Variants in SLC12A9 observed in about 807,000 individuals in gnomAD.
SLC12A9 encodes the protein CCC-interacting protein 1.
SLC12A9 carries 55 observed loss-of-function variants against 66.0 expected under a neutral mutation model. The ratio of observed to expected loss-of-function variants is 0.83; its 90% CI spans 0.67 to 1.04. The LOEUF is 1.04. Ranked by LOEUF, SLC12A9 falls within the 50% of genes least tolerant of loss-of-function variation. The probability of loss-of-function intolerance (pLI) is 0.00; values close to 1 mark genes in which losing one functional copy is unlikely to be tolerated. For missense variants in SLC12A9, 1,061 were observed against 1,241.9 expected (o/e 0.85, Z 2.19); for synonymous variants, 577 against 569.0 (o/e 1.01, Z -0.20).
At chr7:100,843,302 C>A (rs542199800) in intron 1 of SLC12A9, among the ~76,000 whole-genome samples, 1 of 152,284 alleles carries the variant, frequency 6.6e-6, no homozygotes, top group African/African-American at 2.4e-5. Context: ...ATGAGGAATA[C>A]CAGATCAATT....
chr7:100,858,755 T>A, intron 5 of SLC12A9, 80 bp from the exon 6 acceptor site: 1 of 1,343,350 alleles, frequency 7.4e-7, no homozygotes, highest in Admixed American at 1.7e-5. Context: ...ACCGTGGGAA[T>A]GTGTGGAGAG....
chr7:100,857,117 C>T lies in SLC12A9; in HGVS notation c.698C>T (p.Pro233Leu), dbSNP rs375651985. The T allele has an allele frequency of 1.9e-5, 31 of 1,614,100 alleles. No individual in the cohort carries two copies. The highest frequency in any genetic ancestry group is 1.6e-4 in the Middle Eastern group (1 of 6,080). The change falls in exon 5 of 14, where the codon CCG becomes CTG. Residue 233 changes from proline to leucine, a missense_variant. Transcript: ENST00000354161. The part of the protein sequence containing the change: ...PRPGPNGSSL[P>L]PRFGHFTGFN... ...CCTGGCCCCAATGGCTCCTCCCTGC[C>T]GCCCCGGTTTGGCCACTTCACCGGC...
At position 100,859,989 on chromosome 7, in the gene SLC12A9, C is replaced by T. The variant is rs150389565; in HGVS notation, c.1082C>T (p.Ser361Leu). ...ACAGCGCTCTCAGCGTCCATGAGCTCGCTCATTGGTGCCTCCCGCATCCTC... is the reference window on the plus strand; with the variant it reads ...ACAGCGCTCTCAGCGTCCATGAGCTTGCTCATTGGTGCCTCCCGCATCCTC... ...YATALSASMS[S>L]LIGASRILHA... Residue 361 changes from serine (S) to leucine (L), a missense_variant, in exon 8 of 14, where the codon TCG becomes TTG. Physicochemically the swap from Ser to Leu is moderately radical, Grantham distance 145. Transcript: ENST00000354161. 1.7e-5 allele frequency: 27 copies of T among 1,613,456 alleles called. No individual in the cohort carries two copies. Among genetic ancestry groups the T allele is most frequent in the East Asian group, 1.6e-4 (7 of 44,850 alleles).
chr7:100,833,765 T>A lies in SLC12A9; in HGVS notation n.228+6718T>A, dbSNP rs537844142. Among the ~76,000 whole-genome samples, 14 of 151,214 alleles carry A rather than the reference T, an allele frequency of 9.3e-5. 1 individual carries two copies. In the East Asian group the frequency reaches 2.5e-3, roughly 27 times the overall value. On this transcript the variant is annotated intron_variant and non_coding_transcript_variant, in intron 1 of 1. Transcript: ENST00000461016. ...CTGGCTAACATGGTGAAACCCCATCTCTACTAAAAATACAAAAATTAGCCG... is the reference window on the plus strand; with the variant it reads ...CTGGCTAACATGGTGAAACCCCATCACTACTAAAAATACAAAAATTAGCCG...
intron 13 of SLC12A9, chr7:100,865,181 C>T: frequency 7.3e-7 from 1 of 1,363,624 alleles, no homozygotes; most frequent in Admixed American, 2.0e-5. Flanking sequence ...TGGTCTCAAA[C>T]TCCTGATCTC....
Position 100,854,203 on chromosome 7 carries a change from C to T in SLC12A9, c.6C>T (p.Ala2=), listed in dbSNP as rs770572489. The T allele has an allele frequency of 1.3e-6, 2 of 1,564,956 alleles. No individual in the cohort carries two copies. Among genetic ancestry groups the T allele is most frequent in the South Asian group, 1.2e-5 (1 of 80,444 alleles). M[A]SESSPLLAYR... ...TCCTCTACCTGTGCTCAGCCATGGC[C>T]AGCGAGAGCTCACCTCTGCTGGCCT... The change falls in exon 2 of 14, where the codon GCC becomes GCT. Residue 2 remains alanine, a synonymous_variant. Coordinates refer to ENST00000354161, the MANE Select transcript of SLC12A9 (RefSeq NM_020246.4).
At chr7:100,846,447 G>T (rs1357894280) in intron 1 of SLC12A9, among the ~76,000 whole-genome samples, 1 of 152,000 alleles carries the variant, frequency 6.6e-6, no homozygotes, top group Non-Finnish European at 1.5e-5. Flanking sequence ...GGCGCCTGTA[G>T]TCCCAGTTAC....
upstream of SLC12A9, among the ~76,000 whole-genome samples, chr7:100,851,167 T>C (rs1438228197): frequency 3.3e-5 from 5 of 151,990 alleles, no homozygotes; most frequent in Non-Finnish European, 7.4e-5. Context: ...CCTTGCCACC[T>C]TCTTGGTGCC....
At chr7:100,849,142 G>T (rs1366883509), upstream of SLC12A9, among the ~76,000 whole-genome samples, 3 of 151,822 alleles carry the variant, frequency 2.0e-5, no homozygotes, top group Non-Finnish European at 2.9e-5. Context: ...GGCCAGGCTG[G>T]TCTTGAACTC....
Position 100,861,876 on chromosome 7 carries a change from T to C in SLC12A9, c.1676T>C (p.Leu559Pro). 6.2e-7 allele frequency: 1 copy of C among 1,612,678 alleles called. No homozygotes were observed. The highest frequency in any genetic ancestry group is 8.5e-7 in the Non-Finnish European group (1 of 1,179,330). ...RLANQLKKGG[L>P]YVLGHVTLGD... ...GCCAACCAGCTTAAGAAGGGGGGGCTGTATGTGCTGGGCCACGTCACCCTG... is the reference window on the plus strand; with the variant it reads ...GCCAACCAGCTTAAGAAGGGGGGGCCGTATGTGCTGGGCCACGTCACCCTG... Residue 559 changes from leucine to proline, a missense_variant, in exon 12 of 14, where the codon CTG becomes CCG. Transcript: ENST00000354161. The surrounding 1 kb of genome is among the most constrained non-coding windows in gnomAD (Gnocchi z 5.3).
At chr7:100,832,484 AC>A (rs1486164638) in intron 1 of SLC12A9, among the ~76,000 whole-genome samples, 2 of 151,892 alleles carry the variant, frequency 1.3e-5, no homozygotes, top group African/African-American at 4.8e-5. Context: ...CTGCACTCCA[AC>A]CTGGGCAACA....
At chr7:100,859,443 C>T (rs1267506114) in intron 7 of SLC12A9, 14 of 433,862 alleles carry the variant, frequency 3.2e-5, no homozygotes, top group South Asian at 7.1e-5. Flanking sequence ...CAGCCGGGTG[C>T]GGTGGCTCAC....
chr7:100,847,677 C>T (rs1019774491), intron 1 of SLC12A9, among the ~76,000 whole-genome samples: 5 of 151,890 alleles, frequency 3.3e-5, no homozygotes, highest in African/African-American at 9.7e-5. Flanking sequence ...GAGAGTATTC[C>T]GGTGTAACCC....
chr7:100,864,542 A>AGGGAGCAG (rs1814959878), intron 13 of SLC12A9, among the ~76,000 whole-genome samples: 3 of 59,820 alleles, frequency 5.0e-5, no homozygotes, highest in African/African-American at 1.5e-4. Context: ...AAACTCAGCA[A>AGGGAGCAG]TTATCCGATT....
chr7:100,828,679 T>G (rs977735297), intron 1 of SLC12A9, among the ~76,000 whole-genome samples: 2 of 151,338 alleles, frequency 1.3e-5, no homozygotes, highest in Non-Finnish European at 2.9e-5. Context: ...CCCGCAGCCA[T>G]GACCCCTGAG....
At chr7:100,856,142 C>A in intron 4 of SLC12A9, 1 of 223,062 alleles carries the variant, frequency 4.5e-6, no homozygotes. Flanking sequence ...GGTGGACTCT[C>A]TGATAGCAGG....
chr7:100,859,868 C>A lies in SLC12A9; in HGVS notation c.978-17C>A, dbSNP rs1339069747. The A allele has an allele frequency of 3.1e-6, 5 of 1,587,624 alleles. No individual in the cohort carries two copies. The South Asian group carries it at 5.5e-5, about 18-fold the overall frequency. ...GTGACGCATGATCATCCGTGTCCTCCTTTTCCTCCTTCCTAGGACCCTGCT... is the reference window on the plus strand; with the variant it reads ...GTGACGCATGATCATCCGTGTCCTCATTTTCCTCCTTCCTAGGACCCTGCT... On this transcript the variant is annotated splice_polypyrimidine_tract_variant and intron_variant, in intron 7 of 13. Coordinates refer to ENST00000354161, the MANE Select transcript of SLC12A9 (RefSeq NM_020246.4).
intron 1 of SLC12A9, among the ~76,000 whole-genome samples, chr7:100,843,608 C>T (rs185003904): frequency 9.8e-5 from 15 of 152,306 alleles, no homozygotes; most frequent in Middle Eastern, 3.4e-3. Context: ...AGGCTGGCCC[C>T]CAGGTTTAAG....
upstream of SLC12A9, among the ~76,000 whole-genome samples, chr7:100,852,163 G>T (rs544391622): frequency 1.6e-3 from 241 of 152,326 alleles, no homozygotes; most frequent in African/African-American, 5.6e-3. Context: ...GGCATCAGAC[G>T]GTGCAAAGCG....
Sources: allele counts gnomAD v4.1 joint callset (sites outside exome capture counted in the v4.1 genomes callset), GRCh38; gene constraint gnomAD v4.1.1; non-coding constraint Gnocchi (gnomAD v3.1); transcripts MANE v1.5; gene names NCBI Gene and HGNC (gene_info 2026-07-23, HGNC 2026-07-21).